The following BLZF1 variants were observed in gnomAD, a reference collection of about 807,000 sequenced individuals.
The protein encoded by BLZF1 is basic leucine zipper nuclear factor 1, also known as golgin-45.
In BLZF1, 39 loss-of-function variants were observed where a neutral mutation model predicts 43.8. The observed-to-expected ratio is 0.89, with a 90% CI of 0.69 to 1.16. BLZF1 has a LOEUF of 1.16. Among genes scored for constraint, BLZF1 ranks in the 50% most tolerant of loss-of-function variants. BLZF1 has a pLI of 0.00. For synonymous variants in BLZF1, 136 were observed against 159.4 expected, an observed-to-expected ratio of 0.85 and a Z score of 1.11; for missense variants, 449 against 469.8, an observed-to-expected ratio of 0.96 and a Z score of 0.41.
rs1173879293 is a variant in BLZF1 at position 169,387,750 on chromosome 1, A to G, written c.*568A>G. 1.3e-5 allele frequency: 2 copies of G among 152,230 alleles called. No homozygotes were observed. Among genetic ancestry groups the G allele is most frequent in the Non-Finnish European group, 2.9e-5 (2 of 68,048 alleles). 9.4% of individuals were successfully genotyped at this position (152,230 alleles called of 1,614,324 possible). A position where few individuals can be genotyped will look rare whatever the true frequency, so the allele number is the denominator to read the frequency against. ...CTTTATGGTAATTTTTTGAGCTACA[A>G]AAGAGCCTTGCAGAAATGGGTGAAG... is the stretch of plus-strand genomic sequence containing the variant. On this transcript the variant is annotated 3_prime_UTR_variant, in exon 7 of 7. Transcript: ENST00000367808.
At position 169,382,128 on chromosome 1, in the gene BLZF1, A is replaced by AC; in HGVS notation, c.868dup (p.His290ProfsTer28). Reference sequence around the variant, plus strand: ...AGCAAACTTACTCCCCTAGTGTACAACCCCACAGCACAGCAGAGCTAGCAT... The same window carrying AC: ...AGCAAACTTACTCCCCTAGTGTACAACCCCCACAGCACAGCAGAGCTAGCAT... On this transcript the variant is annotated frameshift_variant, in exon 6 of 7. Transcript: ENST00000367808. LOFTEE classifies it high-confidence loss of function. The AC allele has an allele frequency of 6.2e-7, 1 of 1,613,814 alleles. No homozygotes were observed. Among genetic ancestry groups the AC allele is most frequent in the African/African-American group, 1.3e-5 (1 of 75,010 alleles).
intron 4 of BLZF1, among the ~76,000 whole-genome samples, 160 bp downstream of exon 4, chr1:169,378,689 C>T (rs562742518): frequency 1.3e-5 from 2 of 151,990 alleles, no homozygotes; most frequent in Admixed American, 1.3e-4. Flanking sequence ...GATAGTCACA[C>T]AGTCTCCCTA....
chr1:169,382,437 C>T (rs1425352301), intron 6 of BLZF1, among the ~76,000 whole-genome samples, 156 bp downstream of exon 6: 2 of 152,072 alleles, frequency 1.3e-5, no homozygotes, highest in East Asian at 3.9e-4. Flanking sequence ...AAATTATTTC[C>T]TCTTCTGCGC....
rs569578390 is a variant in BLZF1, at chr1:169,386,572, G to A, written c.1018-425G>A. Among the ~76,000 whole-genome samples, 194 of 151,670 alleles carry A rather than the reference G, an allele frequency of 1.3e-3. 6 individuals carry two copies. Among genetic ancestry groups the A allele is most frequent in the Middle Eastern group, 6.8e-3 (2 of 294 alleles). On this transcript the variant is annotated intron_variant, in intron 6 of 6. Transcript: ENST00000367808. ...CGGGCGCCTATAGTCCCAGCTACTC[G>A]GGAGGCAGAGGCAGGAGAATGGCGT...
chr1:169,378,540 C>T lies in BLZF1; in HGVS notation c.668+11C>T. ...ATTCCTTGCAAGCAGGTATTTTCTA[C>T]AGCAAATAGTATTTCACTTCCTAGT... On this transcript the variant is annotated intron_variant, in intron 4 of 6. Transcript: ENST00000367808. 11 of 1,609,992 alleles carry T rather than the reference C, an allele frequency of 6.8e-6. No individual in the cohort carries two copies. Among genetic ancestry groups the T allele is most frequent in the Non-Finnish European group, 9.3e-6 (11 of 1,176,952 alleles).
chr1:169,370,291 G>A (rs1028177565), intron 2 of BLZF1, among the ~76,000 whole-genome samples: 1 of 152,180 alleles, frequency 6.6e-6, no homozygotes, highest in African/African-American at 2.4e-5. Context: ...TCCAAATGAA[G>A]TCTCATTCTG....
chr1:169,379,045 CCT>C (rs1177872868), intron 4 of BLZF1, among the ~76,000 whole-genome samples: 1 of 151,902 alleles, frequency 6.6e-6, no homozygotes, highest in Non-Finnish European at 1.5e-5. Context: ...CTCATCCAGG[CCT>C]CTCAACACAC....
chr1:169,376,730 A>G lies in BLZF1; in HGVS notation c.219A>G (p.Ala73=). 6.2e-7 allele frequency: 1 copy of G among 1,613,386 alleles called. No individual in the cohort carries two copies. ...TAGGGAAAATGCTCACTGAAAAAGC[A>G]ATGGAAGTTAAAGCTGTAAGAATAT... ...LQLGKMLTEK[A]MEVKAVRILV... The change falls in exon 3 of 7, where the codon GCA becomes GCG. Residue 73 remains alanine, a synonymous_variant. Transcript: ENST00000367808.
intron 4 of BLZF1, among the ~76,000 whole-genome samples, chr1:169,379,872 A>G (rs1654472096): frequency 1.3e-5 from 2 of 152,128 alleles, no homozygotes; most frequent in African/African-American, 4.8e-5. Context: ...AAGATAAATT[A>G]TTAAATGAAA....
chr1:169,381,662 A>G (rs550058920), intron 5 of BLZF1, among the ~76,000 whole-genome samples: 1 of 152,280 alleles, frequency 6.6e-6, no homozygotes, highest in East Asian at 1.9e-4. Context: ...ACAATACAGA[A>G]AAAGTTTTAT....
At chr1:169,385,387 C>T (rs1196003681) in intron 6 of BLZF1, among the ~76,000 whole-genome samples, 1 of 152,078 alleles carries the variant, frequency 6.6e-6, no homozygotes, top group Non-Finnish European at 1.5e-5. Flanking sequence ...TACTGCTTCC[C>T]CCATCCCCCA....
downstream of BLZF1, among the ~76,000 whole-genome samples, chr1:169,388,846 C>T (rs990833935): frequency 1.3e-5 from 2 of 152,126 alleles, no homozygotes; most frequent in South Asian, 4.1e-4. Context: ...ATTGGCCTGG[C>T]GCAGTGGCTC....
rs1654453920 is a variant in BLZF1 at position 169,379,190 on chromosome 1, T to TATA, written c.668+662_668+664dup. On this transcript the variant is annotated intron_variant, in intron 4 of 6. Transcript: ENST00000367808. ...ATTTCTGGAACTTAGCAAAATACTT[T>TATA]ATAGAGTATGTTTCATAACTGTTGA... is the stretch of plus-strand genomic sequence containing the variant. Among the ~76,000 whole-genome samples, 6 of 152,146 alleles carry TATA rather than the reference T, an allele frequency of 3.9e-5. No individual in the cohort carries two copies. In the South Asian group the frequency reaches 1.2e-3, roughly 32 times the overall value.
chr1:169,377,884 A>G (rs1654408284), intron 3 of BLZF1, among the ~76,000 whole-genome samples: 1 of 152,060 alleles, frequency 6.6e-6, no homozygotes, highest in South Asian at 2.1e-4. Context: ...TGTAAAGAAC[A>G]TACTTAGAAA....
At chr1:169,389,186 G>A (rs7535788), downstream of BLZF1, among the ~76,000 whole-genome samples, 21,341 of 150,356 alleles carry the variant, frequency 0.14, 1,623 homozygotes, top group African/African-American at 0.2. Flanking sequence ...CCCAGCTACT[G>A]GAGAGGGTGA....
At chr1:169,371,492 T>G (rs1214241212) in intron 2 of BLZF1, among the ~76,000 whole-genome samples, 1 of 152,240 alleles carries the variant, frequency 6.6e-6, no homozygotes, top group Non-Finnish European at 1.5e-5. Flanking sequence ...ATCTGTCATC[T>G]GATGTTAGTG....
chr1:169,394,918 CAA>C, intron 7 of BLZF1: 1 of 851,382 alleles, frequency 1.2e-6, no homozygotes, highest in Non-Finnish European at 1.7e-6. Context: ...ATTAAAAAAA[CAA>C]ATTCACTGTC....
At chr1:169,392,200 C>A (rs114218300), downstream of BLZF1, among the ~76,000 whole-genome samples, 299 of 152,242 alleles carry the variant, frequency 2.0e-3, 4 homozygotes, top group African/African-American at 7.0e-3. Flanking sequence ...ACTGAGAGCC[C>A]TATCAAAATT....
chr1:169,383,724 TAG>T lies in BLZF1; in HGVS notation c.1017+1445_1017+1446del, dbSNP rs35165313. ...TGCTACCTCTCTGAGCTCTTCTTCA[TAG>T]ACTTTTTTCCTCCTTTAGATGTTCA... On this transcript the variant is annotated intron_variant, in intron 6 of 6. Transcript: ENST00000367808. Among the ~76,000 whole-genome samples, 8,488 of 152,234 alleles carry T rather than the reference TAG, an allele frequency of 0.056. 1,380 individuals are homozygous for T. The East Asian group carries it at 0.66, about 12-fold the overall frequency.
Sources: gnomAD v4.1 joint callset for allele counts (sites outside exome capture counted in the v4.1 genomes callset) on GRCh38, gnomAD v4.1.1 for gene constraint, MANE v1.5 for transcripts, NCBI Gene and HGNC (gene_info 2026-07-23, HGNC 2026-07-21) for gene names.